Variants in GPC5 observed in about 807,000 individuals in gnomAD.
GPC5 encodes glypican 5.
A neutral mutation model predicts 53.9 loss-of-function variants in GPC5; 47 were observed. The ratio of observed to expected loss-of-function variants is 0.87; its 90% CI spans 0.69 to 1.11. The LOEUF (loss-of-function observed/expected upper bound fraction) is 1.11. Ranked by LOEUF, GPC5 falls within the 50% of genes most tolerant of loss-of-function variation. The probability of loss-of-function intolerance (pLI) is 0.00; values close to 1 mark genes in which losing one functional copy is unlikely to be tolerated. For missense variants in GPC5, 748 were observed against 713.1 expected (o/e 1.05, Z -0.56); for synonymous variants, 286 against 263.3 (o/e 1.09, Z -0.84).
At position 91,421,719 on chromosome 13, in the gene GPC5, G is replaced by T. The variant is rs560583041; in HGVS notation, c.163+22510G>T. 1.1e-3 allele frequency among the ~76,000 whole-genome samples: 172 copies of T among 152,266 alleles called. 1 individual carries two copies. The highest frequency in any genetic ancestry group is 3.9e-3 in the African/African-American group (164 of 41,534). ...AAAGAAAACTTGCTCCAGAAATAAG[G>T]ACTGTCACCCTCAGTACAGTTTTAC... On this transcript the variant is annotated intron_variant, in intron 1 of 7. Coordinates refer to ENST00000377067, the MANE Select transcript of GPC5 (RefSeq NM_004466.6).
intron 6 of GPC5, among the ~76,000 whole-genome samples, chr13:92,099,683 ACTGAATTAAG>A (rs1277574080): frequency 2.0e-5 from 3 of 152,158 alleles, no homozygotes; most frequent in African/African-American, 7.2e-5. Flanking sequence ...ACTGAATTAA[ACTGAATTAAG>A]CTGCTTTTCC....
intron 7 of GPC5, among the ~76,000 whole-genome samples, chr13:92,189,106 G>A (rs2042204447): frequency 6.6e-6 from 1 of 152,164 alleles, no homozygotes; most frequent in Non-Finnish European, 1.5e-5. Context: ...TCACACTTGT[G>A]AATTTTACCT....
At chr13:92,739,199 A>G (rs1180657582) in intron 7 of GPC5, among the ~76,000 whole-genome samples, 1 of 152,132 alleles carries the variant, frequency 6.6e-6, no homozygotes, top group Non-Finnish European at 1.5e-5. Flanking sequence ...TGATACACAT[A>G]AAATAAATTC....
In GPC5 at chr13:91,756,400, T is replaced by A. The variant is rs775775860; in HGVS notation, c.1260T>A (p.Asn420Lys). ...LAAADGLPCW[N>K]GEDIVKSYTQ... ...CTGCAGATGGACTTCCCTGCTGGAA[T>A]GGAGAAGATATAGTAAAAAGGTATT... is the stretch of plus-strand genomic sequence containing the variant. Residue 420 changes from asparagine (N) to lysine (K), a missense_variant, in exon 5 of 8, where the codon AAT becomes AAA. Transcript: ENST00000377067. 3.1e-6 allele frequency: 5 copies of A among 1,593,024 alleles called. No individual in the cohort carries two copies. In the South Asian group the frequency reaches 3.4e-5, roughly 11 times the overall value.
chr13:91,658,707 G>A (rs952800663), intron 2 of GPC5, among the ~76,000 whole-genome samples: 1 of 152,066 alleles, frequency 6.6e-6, no homozygotes, highest in Non-Finnish European at 1.5e-5. Context: ...AAGCTCTGTG[G>A]GGTCTGTCTG....
intron 5 of GPC5, among the ~76,000 whole-genome samples, chr13:91,773,525 G>T (rs1247655779): frequency 6.6e-6 from 1 of 152,082 alleles, no homozygotes; most frequent in Non-Finnish European, 1.5e-5. Flanking sequence ...CCATAAATTA[G>T]AAATAAATAT....
chr13:92,612,581 C>A (rs917315737), intron 7 of GPC5, among the ~76,000 whole-genome samples: 4 of 152,020 alleles, frequency 2.6e-5, no homozygotes, highest in Non-Finnish European at 5.9e-5. Context: ...TATTTCTTGG[C>A]AACTTTTGCA....
chr13:91,865,348 G>A (rs1055530072), intron 5 of GPC5, among the ~76,000 whole-genome samples: 3 of 151,896 alleles, frequency 2.0e-5, no homozygotes, highest in East Asian at 1.9e-4. Flanking sequence ...AATGTATCTC[G>A]TGTACAAATA....
intron 7 of GPC5, among the ~76,000 whole-genome samples, chr13:92,243,123 ATTTG>A (rs2042625771): frequency 6.6e-6 from 1 of 152,126 alleles, no homozygotes; most frequent in Non-Finnish European, 1.5e-5. Context: ...ACAAGCCTGT[ATTTG>A]TTTGAGACTT....
intron 1 of GPC5, among the ~76,000 whole-genome samples, chr13:91,430,718 G>A (rs1205207890): frequency 6.6e-6 from 1 of 152,158 alleles, no homozygotes; most frequent in Non-Finnish European, 1.5e-5. Context: ...TAGTTTTCTA[G>A]ACTGATGAAA....
chr13:92,608,091 A>G (rs56262326), intron 7 of GPC5, among the ~76,000 whole-genome samples: 5,459 of 152,330 alleles, frequency 0.036, 166 homozygotes, highest in Admixed American at 0.1. Flanking sequence ...AATACATATA[A>G]CATACAAAAT....
intron 7 of GPC5, among the ~76,000 whole-genome samples, chr13:92,329,377 A>C (rs769408327): frequency 6.6e-6 from 1 of 152,110 alleles, no homozygotes; most frequent in African/African-American, 2.4e-5. Context: ...AGACGTACAA[A>C]CAACCAGATC....
intron 7 of GPC5, among the ~76,000 whole-genome samples, chr13:92,472,971 G>A (rs1878968639): frequency 6.6e-6 from 1 of 152,000 alleles, no homozygotes; most frequent in South Asian, 2.1e-4. Flanking sequence ...AGATAATTCT[G>A]TTTGGTATCT....
chr13:91,728,694 A>T (rs201618505), intron 4 of GPC5, 29 bp downstream of exon 4: 1 of 1,597,224 alleles, frequency 6.3e-7, no homozygotes. Flanking sequence ...AACCAGAAAG[A>T]GAAAAGAAAG....
intron 7 of GPC5, among the ~76,000 whole-genome samples, chr13:92,618,357 T>A (rs896266630): frequency 6.6e-6 from 1 of 152,112 alleles, no homozygotes; most frequent in African/African-American, 2.4e-5. Context: ...GTATTTAGGT[T>A]AATTTGACTT....
chr13:92,575,747 G>A (rs189698589), intron 7 of GPC5, among the ~76,000 whole-genome samples: 25 of 152,252 alleles, frequency 1.6e-4, no homozygotes, highest in African/African-American at 4.8e-4. Flanking sequence ...TAGGACAGAA[G>A]TGAACCGGTT....
chr13:92,387,560 T>C (rs1329124999), intron 7 of GPC5, among the ~76,000 whole-genome samples: 2 of 152,052 alleles, frequency 1.3e-5, no homozygotes, highest in Non-Finnish European at 2.9e-5. Flanking sequence ...TAATGTTGCG[T>C]CAAAAGAGCT....
intron 2 of GPC5, among the ~76,000 whole-genome samples, chr13:91,616,955 G>C (rs2033712885): frequency 1.3e-5 from 2 of 151,942 alleles, no homozygotes; most frequent in Admixed American, 6.6e-5. Flanking sequence ...CATCTTTTGG[G>C]GGGTGTTCAA....
intron 7 of GPC5, among the ~76,000 whole-genome samples, chr13:92,523,726 A>G (rs1036344052): frequency 1.1e-4 from 16 of 152,136 alleles, no homozygotes; most frequent in Admixed American, 3.3e-4. Flanking sequence ...AACCTTTTGT[A>G]TTATAGTATC....
Sources: allele counts gnomAD v4.1 joint callset (sites outside exome capture counted in the v4.1 genomes callset), GRCh38; gene constraint gnomAD v4.1.1; transcripts MANE v1.5; gene names NCBI Gene and HGNC (gene_info 2026-07-23, HGNC 2026-07-21).